SLC35F4: variants seen among roughly 807,000 people sequenced by gnomAD.
SLC35F4 encodes the protein solute carrier family 35 member F4, also known as chromosome 14 open reading frame 36.
Under a neutral mutation model 44.2 loss-of-function variants are expected in SLC35F4, and 24 were observed. The ratio of observed to expected loss-of-function variants is 0.54; its 90% CI spans 0.39 to 0.76. The LOEUF is 0.76. Among genes scored for constraint, SLC35F4 ranks in the 30% least tolerant of loss-of-function variants. The pLI, the probability that SLC35F4 is intolerant of heterozygous loss-of-function variation, is 0.00. For missense variants in SLC35F4, 562 were observed against 586.1 expected, an observed-to-expected ratio of 0.96 and a Z score of 0.42; for synonymous variants, 238 against 223.6, an observed-to-expected ratio of 1.06 and a Z score of -0.57.
intron 1 of SLC35F4, among the ~76,000 whole-genome samples, chr14:57,932,338 C>G (rs908475468): frequency 6.6e-6 from 1 of 152,174 alleles, no homozygotes. Context: ...ACACCTGCTT[C>G]GAATCATAAT....
At chr14:57,843,439 T>C (rs1885688908) in intron 1 of SLC35F4, among the ~76,000 whole-genome samples, 1 of 152,148 alleles carries the variant, frequency 6.6e-6, no homozygotes, top group Admixed American at 6.6e-5. Context: ...AGGAAAGTTT[T>C]AGTCCTAAGA....
intron 1 of SLC35F4, among the ~76,000 whole-genome samples, chr14:57,698,889 G>C (rs2075457101): frequency 6.6e-6 from 1 of 152,116 alleles, no homozygotes; most frequent in South Asian, 2.1e-4. Flanking sequence ...GCCTTCCAAA[G>C]TGCTGGTATT....
At position 57,873,456 on chromosome 14, in the gene SLC35F4, T is replaced by C. The variant is rs550830335; in HGVS notation, n.282+108457A>G. Among the ~76,000 whole-genome samples, 107 of 152,264 alleles carry C rather than the reference T, an allele frequency of 7.0e-4. 2 individuals are homozygous for C. In the South Asian group the frequency reaches 8.5e-3, roughly 12 times the overall value. ...AAATGGTTTAGTAAATCACAATGTA[T>C]CCATTGGGTAGAATACACTTTAGAT... is the stretch of plus-strand genomic sequence containing the variant. On this transcript the variant is annotated intron_variant and non_coding_transcript_variant, in intron 1 of 1. Transcript: ENST00000556568.
intron 1 of SLC35F4, among the ~76,000 whole-genome samples, chr14:57,808,268 G>A (rs1370504611): frequency 3.3e-5 from 5 of 151,842 alleles, no homozygotes; most frequent in Non-Finnish European, 7.3e-5. Flanking sequence ...GGAAAGATCA[G>A]TAATTTGGCT....
chr14:57,967,605 A>G (rs1480333153), intron 1 of SLC35F4, among the ~76,000 whole-genome samples: 1 of 152,238 alleles, frequency 6.6e-6, no homozygotes, highest in Non-Finnish European at 1.5e-5. Flanking sequence ...TAATCCTCGT[A>G]GCAATCCCTT....
intron 1 of SLC35F4, among the ~76,000 whole-genome samples, chr14:57,863,976 C>T (rs1887903819): frequency 6.6e-6 from 1 of 152,190 alleles, no homozygotes; most frequent in Admixed American, 6.5e-5. Context: ...GCAAATGAAG[C>T]ATGTGCAGCT....
chr14:57,609,586 A>G (rs753460209), intron 1 of SLC35F4, among the ~76,000 whole-genome samples: 25 of 152,244 alleles, frequency 1.6e-4, no homozygotes, highest in Non-Finnish European at 3.5e-4. Flanking sequence ...TAGAATGCTT[A>G]ATGTGCTGTT....
chr14:57,933,039 CTT>C (rs565156783), intron 1 of SLC35F4, among the ~76,000 whole-genome samples: 11,470 of 137,360 alleles, frequency 0.084, 557 homozygotes, highest in Middle Eastern at 0.12. Flanking sequence ...CTCCTATTTA[CTT>C]TTTTTTTTTT....
At chr14:57,676,897 C>T (rs537141405) in intron 1 of SLC35F4, among the ~76,000 whole-genome samples, 10 of 152,176 alleles carry the variant, frequency 6.6e-5, no homozygotes, top group African/African-American at 2.4e-4. Flanking sequence ...TTCAATCCAG[C>T]AATCCCACTA....
At chr14:57,819,812 CAA>C (rs200256387) in intron 1 of SLC35F4, among the ~76,000 whole-genome samples, 7,488 of 108,026 alleles carry the variant, frequency 0.069, 396 homozygotes, top group African/African-American at 0.15. Context: ...GACCCCGTCT[CAA>C]AAAAAAAAAA....
rs531243322 is a variant in SLC35F4, at chr14:57,851,211, A to G, written c.103+14512T>C. ...CTTTAAATAAAACTAAAGTTCACTT[A>G]TATTTTAACAAATTTAAATTATTTC... On this transcript the variant is annotated intron_variant, in intron 1 of 7. Transcript: ENST00000556826. 4.7e-4 allele frequency among the ~76,000 whole-genome samples: 71 copies of G among 152,354 alleles called. 1 individual carries two copies. Among genetic ancestry groups the G allele is most frequent in the Middle Eastern group, 3.4e-3 (1 of 294 alleles).
intron 1 of SLC35F4, among the ~76,000 whole-genome samples, chr14:57,941,619 T>C (rs1163342188): frequency 6.6e-6 from 1 of 152,154 alleles, no homozygotes; most frequent in Admixed American, 6.5e-5. Context: ...GTAGAGGTAG[T>C]AGTTGTTCAA....
Position 57,937,654 on chromosome 14 carries a change from A to AG in SLC35F4, n.282+44258_282+44259insC, listed in dbSNP as rs1266586685. Among the ~76,000 whole-genome samples, 16 of 142,402 alleles carry AG rather than the reference A, an allele frequency of 1.1e-4. 1 individual carries two copies. The highest frequency in any genetic ancestry group is 4.2e-4 in the African/African-American group (14 of 33,382). 93.4% of individuals were successfully genotyped at this position (142,402 alleles called of 152,430 possible). A position where few individuals can be genotyped will look rare whatever the true frequency, so the allele number is the denominator to read the frequency against. On this transcript the variant is annotated intron_variant and non_coding_transcript_variant, in intron 1 of 1. Coordinates refer to the SLC35F4 transcript ENST00000556568. The stretch of plus-strand genomic sequence containing the variant: ...AGAAAAGAAAAGAAAAGAAAAGAAA[A>AG]AAGAAAAGAAAAAGATATCACAAAG...
At chr14:57,668,811 G>A (rs538024300) in intron 1 of SLC35F4, among the ~76,000 whole-genome samples, 12 of 152,092 alleles carry the variant, frequency 7.9e-5, no homozygotes, top group Admixed American at 2.0e-4. Context: ...TTGGCGATGC[G>A]GGCTCTTTTT....
chr14:57,859,085 G>A (rs1294641508), intron 1 of SLC35F4, among the ~76,000 whole-genome samples: 1 of 152,042 alleles, frequency 6.6e-6, no homozygotes, highest in Non-Finnish European at 1.5e-5. Flanking sequence ...CAGCCTGGGT[G>A]ACAGAGTAAG....
chr14:57,591,138 G>A (rs934199342), intron 2 of SLC35F4, among the ~76,000 whole-genome samples: 1 of 152,206 alleles, frequency 6.6e-6, no homozygotes, highest in African/African-American at 2.4e-5. Flanking sequence ...ATCTTATGGA[G>A]ACTCTACCAG....
intron 1 of SLC35F4, among the ~76,000 whole-genome samples, chr14:57,617,150 A>T (rs1205251954): frequency 8.5e-4 from 11 of 12,928 alleles, no homozygotes; most frequent in Admixed American, 4.5e-3. Context: ...TTTTTTTTTG[A>T]GACAGAGTCT....
intron 1 of SLC35F4, among the ~76,000 whole-genome samples, chr14:57,731,506 T>G (rs2076344007): frequency 6.6e-6 from 1 of 152,186 alleles, no homozygotes; most frequent in Non-Finnish European, 1.5e-5. Flanking sequence ...AGCCTTTTTC[T>G]TTCATTCTAC....
intron 1 of SLC35F4, among the ~76,000 whole-genome samples, chr14:57,600,373 A>AT (rs1351496647): frequency 1.3e-5 from 2 of 152,096 alleles, no homozygotes; most frequent in Admixed American, 6.6e-5. Context: ...TTAATCTGTC[A>AT]TTTTTTCTTA....
Sources: allele counts gnomAD v4.1 joint callset (sites outside exome capture counted in the v4.1 genomes callset), GRCh38; gene constraint gnomAD v4.1.1; transcripts MANE v1.5; gene names NCBI Gene and HGNC (gene_info 2026-07-23, HGNC 2026-07-21).